Variants in SYTL5 observed in about 807,000 individuals in gnomAD.
SYTL5 encodes the protein synaptotagmin like 5.
In SYTL5, 34 loss-of-function variants were observed where a neutral mutation model predicts 55.9. The observed-to-expected ratio is 0.61, with a 90% CI of 0.46 to 0.81. SYTL5 has a LOEUF of 0.81. SYTL5 is among the 30% of genes least tolerant of loss of function. The pLI is 0.00. For synonymous variants in SYTL5, 221 were observed against 188.7 expected (o/e 1.17, Z -1.40); for missense variants, 637 against 546.7 (o/e 1.17, Z -1.65).
chrX:38,022,566 C>T (rs188210902), intron 1 of SYTL5, among the ~76,000 whole-genome samples: 20 of 111,770 alleles, frequency 1.8e-4, no homozygotes, highest in East Asian at 5.6e-4. Flanking sequence ...CTGCTTATGT[C>T]GTCACACCTG....
At chrX:38,044,064 A>G (rs1216512568) in intron 2 of SYTL5, among the ~76,000 whole-genome samples, 1 of 111,143 alleles carries the variant, frequency 9.0e-6, no homozygotes, top group Non-Finnish European at 1.9e-5. Flanking sequence ...TTTATTGTTT[A>G]TCACAAATCT....
At chrX:38,092,538 G>A (rs949606226) in intron 7 of SYTL5, among the ~76,000 whole-genome samples, 7 of 111,373 alleles carry the variant, frequency 6.3e-5, no homozygotes, top group Admixed American at 1.9e-4. Context: ...TGCAGCTTGG[G>A]AAGAGAAAGA....
chrX:37,986,089 C>T, the SYTL5 span, among the ~76,000 whole-genome samples: 7 of 111,842 alleles, frequency 6.3e-5, no homozygotes, highest in Non-Finnish European at 1.1e-4. Flanking sequence ...ATCTTCATGA[C>T]CTCTTTTTGG....
intron 3 of SYTL5, among the ~76,000 whole-genome samples, chrX:38,063,132 T>C (rs928458513): frequency 9.0e-6 from 1 of 111,235 alleles, no homozygotes; most frequent in Non-Finnish European, 1.9e-5. Context: ...AACATGTTTG[T>C]CCATAGGTGG....
chrX:38,015,273 G>A (rs978770604), intron 1 of SYTL5, among the ~76,000 whole-genome samples: 1 of 112,314 alleles, frequency 8.9e-6, no homozygotes, highest in African/African-American at 3.2e-5. Context: ...ATAATGCGAA[G>A]CATGTAATTA....
At chrX:38,120,493 C>T (rs776535290) in intron 14 of SYTL5, 27 bp downstream of exon 14, 68 of 1,076,294 alleles carry the variant, frequency 6.3e-5, no homozygotes, top group Non-Finnish European at 8.3e-5. Context: ...TGACTTTGAT[C>T]AATGACATTC....
At chrX:38,020,597 T>A (rs779346919) in intron 1 of SYTL5, among the ~76,000 whole-genome samples, 7 of 108,499 alleles carry the variant, frequency 6.5e-5, no homozygotes, top group Non-Finnish European at 3.8e-5. Context: ...TTAAAAATTA[T>A]GATGTTTCTA....
At chrX:38,117,354 C>T (rs1474435606) in intron 13 of SYTL5, among the ~76,000 whole-genome samples, 2 of 111,499 alleles carry the variant, frequency 1.8e-5, no homozygotes. Context: ...AGCTAAAAAC[C>T]AATGGAACAT....
At chrX:37,953,635 G>T in the SYTL5 span, among the ~76,000 whole-genome samples, 3 of 111,169 alleles carry the variant, frequency 2.7e-5, no homozygotes, top group African/African-American at 9.8e-5. Flanking sequence ...AAAAAAAGGA[G>T]TTTTTTCCTT....
At chrX:38,105,679 T>A (rs975869327) in intron 10 of SYTL5, among the ~76,000 whole-genome samples, 1 of 112,296 alleles carries the variant, frequency 8.9e-6, no homozygotes, top group Non-Finnish European at 1.9e-5. Context: ...TCCTTTCACA[T>A]ACTCAAAACA....
At chrX:38,114,149 G>A (rs1342884418) in intron 13 of SYTL5, among the ~76,000 whole-genome samples, 1 of 110,987 alleles carries the variant, frequency 9.0e-6, no homozygotes, top group African/African-American at 3.3e-5. Flanking sequence ...CATCCTCCTT[G>A]CTACTACCTC....
chrX:38,035,397 C>T (rs1211295536), intron 2 of SYTL5, among the ~76,000 whole-genome samples: 3 of 111,830 alleles, frequency 2.7e-5, no homozygotes, highest in Non-Finnish European at 5.6e-5. Context: ...CATTTCTGTC[C>T]TGGCTAACAC....
the SYTL5 span, among the ~76,000 whole-genome samples, chrX:37,963,167 T>G: frequency 8.9e-6 from 1 of 112,205 alleles, no homozygotes; most frequent in Admixed American, 9.4e-5. Context: ...TCTAAGTATT[T>G]TATTCACCTT....
chrX:37,939,998 AT>A, the SYTL5 span, among the ~76,000 whole-genome samples: 2,060 of 109,054 alleles, frequency 0.019, 64 homozygotes, highest in African/African-American at 0.065. Context: ...TGCCCAGCTA[AT>A]TTTTTTTTGT....
At chrX:37,928,695 C>T in the SYTL5 span, among the ~76,000 whole-genome samples, 1 of 112,051 alleles carries the variant, frequency 8.9e-6, no homozygotes, top group Admixed American at 9.5e-5. Flanking sequence ...GACAAACCCT[C>T]GTGCCTTTTG....
chrX:37,934,967 C>T, the SYTL5 span, among the ~76,000 whole-genome samples: 24 of 110,863 alleles, frequency 2.2e-4, no homozygotes, highest in Non-Finnish European at 4.4e-4. Context: ...AAAAACTTCA[C>T]AAATTCAATA....
the SYTL5 span, among the ~76,000 whole-genome samples, chrX:37,956,342 A>G: frequency 8.9e-6 from 1 of 112,302 alleles, no homozygotes; most frequent in Non-Finnish European, 1.9e-5. Flanking sequence ...TTTTAAATGT[A>G]CAATGAAGTG....
At chrX:37,959,586 G>A in the SYTL5 span, among the ~76,000 whole-genome samples, 1,657 of 111,817 alleles carry the variant, frequency 0.015, 16 homozygotes, top group Middle Eastern at 0.032. Flanking sequence ...AGACTTAAAT[G>A]AGGAAGACTC....
At chrX:38,058,021 C>T (rs1277096585) in intron 3 of SYTL5, among the ~76,000 whole-genome samples, 2 of 111,271 alleles carry the variant, frequency 1.8e-5, no homozygotes, top group Non-Finnish European at 3.8e-5. Flanking sequence ...AGAAAACTTT[C>T]CCTAACACCA....
Sources: gnomAD v4.1 joint callset for allele counts (sites outside exome capture counted in the v4.1 genomes callset) on GRCh38, gnomAD v4.1.1 for gene constraint, MANE v1.5 for transcripts, NCBI Gene and HGNC (gene_info 2026-07-23, HGNC 2026-07-21) for gene names.